UBASH3B: variants seen among roughly 807,000 people sequenced by gnomAD.
The protein encoded by UBASH3B is ubiquitin associated and SH3 domain containing B.
UBASH3B carries 37 observed loss-of-function variants against 83.4 expected under a neutral mutation model. The ratio of observed to expected loss-of-function variants is 0.44; its 90% CI spans 0.34 to 0.58. The LOEUF (loss-of-function observed/expected upper bound fraction) is 0.58. Among genes scored for constraint, UBASH3B ranks in the 20% least tolerant of loss-of-function variants. The pLI is 0.01. For missense variants in UBASH3B, 657 were observed against 827.2 expected, an observed-to-expected ratio of 0.79 and a Z score of 2.52; for synonymous variants, 304 against 318.3, an observed-to-expected ratio of 0.96 and a Z score of 0.48.
intron 1 of UBASH3B, among the ~76,000 whole-genome samples, chr11:122,662,615 G>T (rs1863460732): frequency 6.6e-6 from 1 of 151,690 alleles, no homozygotes; most frequent in South Asian, 2.1e-4. Flanking sequence ...ATTTTTAGTT[G>T]AGACAGGGTT....
At chr11:122,694,088 C>T (rs1565531625) in intron 1 of UBASH3B, among the ~76,000 whole-genome samples, 11 of 152,092 alleles carry the variant, frequency 7.2e-5, no homozygotes. Flanking sequence ...GTAGACGTGA[C>T]ATTAAGAAAT....
chr11:122,762,132 T>C (rs778294396), intron 1 of UBASH3B, among the ~76,000 whole-genome samples: 1 of 152,166 alleles, frequency 6.6e-6, no homozygotes, highest in Non-Finnish European at 1.5e-5. Flanking sequence ...CCACAGTTAC[T>C]TTTGCACCGA....
At chr11:122,658,441 C>A (rs1262411866) in intron 1 of UBASH3B, among the ~76,000 whole-genome samples, 1 of 152,160 alleles carries the variant, frequency 6.6e-6, no homozygotes, top group African/African-American at 2.4e-5. Context: ...GCATAAGGGT[C>A]ATTTTTGGCT....
In UBASH3B at chr11:122,789,164, A is replaced by C; in HGVS notation, c.836A>C (p.Asp279Ala). 6.2e-7 allele frequency: 1 copy of C among 1,613,942 alleles called. No homozygotes were observed. Among genetic ancestry groups the C allele is most frequent in the Non-Finnish European group, 8.5e-7 (1 of 1,179,974 alleles). The change falls in exon 6 of 14, where the codon GAC becomes GCC. Residue 279 changes from aspartate to alanine, a missense_variant. Asp to Ala is a moderately radical substitution (Grantham distance 126). Coordinates refer to ENST00000284273, the MANE Select transcript of UBASH3B (RefSeq NM_032873.5). ...NDDELELVPG[D>A]FIFMSPMEQT... ...GATGAGCTGGAGCTGGTCCCCGGGG[A>C]CTTCATCTTCATGTCTCCAATGGAG...
chr11:122,785,925 C>T (rs1860940953), intron 5 of UBASH3B, among the ~76,000 whole-genome samples: 1 of 152,210 alleles, frequency 6.6e-6, no homozygotes, highest in South Asian at 2.1e-4. Context: ...GGCAGTTCGG[C>T]TCTTGTATTC....
At chr11:122,705,454 T>TAAAAAAAAAA (rs60998227) in intron 1 of UBASH3B, among the ~76,000 whole-genome samples, 3 of 59,520 alleles carry the variant, frequency 5.0e-5, no homozygotes, top group East Asian at 3.6e-4. Context: ...TCGAAAAACA[T>TAAAAAAAAAA]AAAAAAAAAA....
intron 12 of UBASH3B, 62 bp from the exon 13 acceptor site, chr11:122,808,005 A>G: frequency 8.3e-7 from 1 of 1,203,108 alleles, no homozygotes; most frequent in Non-Finnish European, 1.2e-6. Flanking sequence ...AGCTTCCAGT[A>G]TTTGCAAAGT....
At chr11:122,687,762 G>A (rs1863827045) in intron 1 of UBASH3B, among the ~76,000 whole-genome samples, 1 of 151,996 alleles carries the variant, frequency 6.6e-6, no homozygotes, top group Non-Finnish European at 1.5e-5. Flanking sequence ...CCACACCTCT[G>A]AGTCTTGCTA....
At chr11:122,732,296 A>C (rs1313386121) in intron 1 of UBASH3B, among the ~76,000 whole-genome samples, 1 of 152,210 alleles carries the variant, frequency 6.6e-6, no homozygotes, top group African/African-American at 2.4e-5. Context: ...GGCTCTTCCC[A>C]GGTTGCCATA....
At position 122,812,023 on chromosome 11, in the gene UBASH3B, G is replaced by C. The variant is rs186734165; in HGVS notation, c.*2137G>C. 1.7e-4 allele frequency: 26 copies of C among 152,336 alleles called. No individual in the cohort carries two copies. The East Asian group carries it at 5.0e-3, about 29-fold the overall frequency. 9.4% of individuals were successfully genotyped at this position (152,336 alleles called of 1,614,324 possible). ...GGCAGTATCTGTAATGTATGAAATAGAGTCTGGAATAGGTTATCCACTCCA... is the reference window on the plus strand; with the variant it reads ...GGCAGTATCTGTAATGTATGAAATACAGTCTGGAATAGGTTATCCACTCCA... On this transcript the variant is annotated 3_prime_UTR_variant, in exon 14 of 14. Coordinates refer to ENST00000284273, the MANE Select transcript of UBASH3B (RefSeq NM_032873.5).
At chr11:122,748,518 T>C (rs1861154565) in intron 1 of UBASH3B, among the ~76,000 whole-genome samples, 1 of 152,250 alleles carries the variant, frequency 6.6e-6, no homozygotes, top group African/African-American at 2.4e-5. Context: ...GTTGTTAATG[T>C]CATTTAATCT....
At chr11:122,715,031 C>T (rs1052250536) in intron 1 of UBASH3B, among the ~76,000 whole-genome samples, 4 of 152,164 alleles carry the variant, frequency 2.6e-5, no homozygotes, top group African/African-American at 4.8e-5. Flanking sequence ...CTGCAAGCTC[C>T]GCCTCCCGGG....
At chr11:122,776,898 A>G (rs1249543092) in intron 2 of UBASH3B, 126 bp from the exon 3 acceptor site, 1 of 844,860 alleles carries the variant, frequency 1.2e-6, no homozygotes, top group African/African-American at 1.8e-5. Flanking sequence ...TAAATCATGA[A>G]TGAAAACCCT....
chr11:122,783,728 C>T (rs1860897912), intron 5 of UBASH3B, among the ~76,000 whole-genome samples: 1 of 152,094 alleles, frequency 6.6e-6, no homozygotes. Context: ...AAATGTTGTC[C>T]TGTCCTCAAG....
intron 6 of UBASH3B, among the ~76,000 whole-genome samples, chr11:122,792,557 G>T (rs1004617022): frequency 1.3e-5 from 2 of 152,114 alleles, no homozygotes; most frequent in African/African-American, 2.4e-5. Context: ...AACCCCAGGT[G>T]ATCTGCCTGC....
intron 1 of UBASH3B, among the ~76,000 whole-genome samples, chr11:122,691,803 C>CA (rs1248704857): frequency 6.6e-6 from 1 of 152,124 alleles, no homozygotes; most frequent in Non-Finnish European, 1.5e-5. Context: ...CTGGCTTGAG[C>CA]AAAAGGCTGT....
chr11:122,795,231 G>C (rs796809236), intron 7 of UBASH3B, among the ~76,000 whole-genome samples: 3 of 152,302 alleles, frequency 2.0e-5, no homozygotes, highest in African/African-American at 7.2e-5. Context: ...TTCAAGGAAG[G>C]TTGGAGATGG....
At position 122,700,497 on chromosome 11, in the gene UBASH3B, C is replaced by CTTTTT. The variant is rs10640825; in HGVS notation, c.161+44300_161+44304dup. Among the ~76,000 whole-genome samples, 30 of 118,764 alleles carry CTTTTT rather than the reference C, an allele frequency of 2.5e-4. 1 individual carries two copies. Among genetic ancestry groups the CTTTTT allele is most frequent in the South Asian group, 1.4e-3 (5 of 3,694 alleles). 77.9% of individuals were successfully genotyped at this position (118,764 alleles called of 152,430 possible). A position where few individuals can be genotyped will look rare whatever the true frequency, so the allele number is the denominator to read the frequency against. ...CTCACTCTCATAGTTTACTTCTGAT[C>CTTTTT]TTTTTTTTTTTTTTTTTGAGATGGA... On this transcript the variant is annotated intron_variant, in intron 1 of 13. Coordinates refer to ENST00000284273, the MANE Select transcript of UBASH3B (RefSeq NM_032873.5).
chr11:122,677,780 T>TTTTTTTTG (rs1229976504), intron 1 of UBASH3B, among the ~76,000 whole-genome samples: 3 of 151,740 alleles, frequency 2.0e-5, no homozygotes, highest in Admixed American at 1.3e-4. Context: ...ATAAGGGTAC[T>TTTTTTTTG]ATTGCTTTTG....
Sources: allele counts gnomAD v4.1 joint callset (sites outside exome capture counted in the v4.1 genomes callset), GRCh38; gene constraint gnomAD v4.1.1; transcripts MANE v1.5; gene names NCBI Gene and HGNC (gene_info 2026-07-23, HGNC 2026-07-21).